MDGA2: variants seen among roughly 807,000 people sequenced by gnomAD.
MDGA2 encodes MAM domain containing glycosylphosphatidylinositol anchor 2, also known as MAM domain-containing glycosylphosphatidylinositol anchor protein 2.
In MDGA2, 40 loss-of-function variants were observed where a neutral mutation model predicts 117.8. That is an observed-to-expected ratio of 0.34 (90% CI 0.26 to 0.44). The LOEUF (loss-of-function observed/expected upper bound fraction) is 0.44. Ranked by LOEUF, MDGA2 falls within the 20% of genes least tolerant of loss-of-function variation. MDGA2 has a pLI of 1.00. For synonymous variants in MDGA2, 452 were observed against 439.0 expected, an observed-to-expected ratio of 1.03 and a Z score of -0.37; for missense variants, 1,123 against 1,250.6, an observed-to-expected ratio of 0.90 and a Z score of 1.54.
intron 2 of MDGA2, among the ~76,000 whole-genome samples, chr14:47,235,423 A>C (rs1049140969): frequency 3.3e-5 from 5 of 152,242 alleles, no homozygotes; most frequent in Admixed American, 6.5e-5. Context: ...AATGTGAACA[A>C]CTAATGGCAA....
intron 2 of MDGA2, among the ~76,000 whole-genome samples, chr14:47,251,317 A>C (rs2139642294): frequency 6.6e-6 from 1 of 152,288 alleles, no homozygotes; most frequent in Admixed American, 6.5e-5. Flanking sequence ...CATCATTCAG[A>C]TCTCAGCAAG....
intron 1 of MDGA2, among the ~76,000 whole-genome samples, chr14:47,395,437 G>T (rs189050981): frequency 6.6e-6 from 1 of 151,972 alleles, no homozygotes; most frequent in East Asian, 1.9e-4. Flanking sequence ...ACAATATTTC[G>T]TCTTTAATAT....
intron 7 of MDGA2, among the ~76,000 whole-genome samples, chr14:47,035,531 G>T (rs1888815797): frequency 6.6e-6 from 1 of 152,100 alleles, no homozygotes; most frequent in Non-Finnish European, 1.5e-5. Context: ...AAATAAATAA[G>T]GCATTCAATT....
intron 3 of MDGA2, among the ~76,000 whole-genome samples, chr14:47,182,681 C>G (rs528935204): frequency 6.6e-6 from 1 of 152,276 alleles, no homozygotes; most frequent in Non-Finnish European, 1.5e-5. Context: ...ACCAAAGATG[C>G]ATACTTTAAG....
intron 8 of MDGA2, among the ~76,000 whole-genome samples, chr14:46,971,477 TTC>T (rs1257363019): frequency 6.6e-6 from 1 of 152,106 alleles, no homozygotes. Flanking sequence ...ATACCACATA[TTC>T]TCTTTCATAT....
At chr14:47,086,091 A>G (rs1890885699) in intron 6 of MDGA2, among the ~76,000 whole-genome samples, 1 of 49,878 alleles carries the variant, frequency 2.0e-5, no homozygotes. Context: ...TTCAATGTGT[A>G]AGGTTTTTTT....
chr14:47,334,304 A>C (rs1297474748), intron 1 of MDGA2, among the ~76,000 whole-genome samples: 1 of 151,920 alleles, frequency 6.6e-6, no homozygotes, highest in African/African-American at 2.4e-5. Flanking sequence ...ATTCATTATT[A>C]AAAATCCTTT....
At chr14:47,002,457 G>T (rs1354596438) in intron 8 of MDGA2, among the ~76,000 whole-genome samples, 1 of 152,124 alleles carries the variant, frequency 6.6e-6, no homozygotes, top group African/African-American at 2.4e-5. Flanking sequence ...GCCAGGCACA[G>T]TGGCTCACGC....
chr14:47,331,291 A>C (rs966159304), intron 1 of MDGA2, among the ~76,000 whole-genome samples: 103 of 152,012 alleles, frequency 6.8e-4, no homozygotes, highest in African/African-American at 2.3e-3. Context: ...TAATTCTTCA[A>C]TCAAATGCTG....
chr14:46,975,219 A>G (rs1304239483), intron 8 of MDGA2, among the ~76,000 whole-genome samples: 1 of 152,152 alleles, frequency 6.6e-6, no homozygotes, highest in African/African-American at 2.4e-5. Flanking sequence ...GAATGTAGAG[A>G]AATTAGAACC....
At chr14:47,245,461 C>T (rs1887206863) in intron 2 of MDGA2, among the ~76,000 whole-genome samples, 1 of 151,746 alleles carries the variant, frequency 6.6e-6, no homozygotes, top group African/African-American at 2.4e-5. Flanking sequence ...GGGTTTTCGA[C>T]TGTGTAGGGT....
chr14:46,912,932 C>T (rs1240431440), intron 10 of MDGA2, among the ~76,000 whole-genome samples: 1 of 152,122 alleles, frequency 6.6e-6, no homozygotes, highest in East Asian at 1.9e-4. Flanking sequence ...TCACTTTTTA[C>T]AACTGACATA....
intron 6 of MDGA2, among the ~76,000 whole-genome samples, chr14:47,084,721 A>G (rs569966827): frequency 6.6e-5 from 10 of 152,272 alleles, no homozygotes; most frequent in African/African-American, 2.4e-4. Context: ...TTACACCCAT[A>G]TAAGAGTTAC....
At chr14:47,005,713 TAC>T (rs1386380242) in intron 8 of MDGA2, among the ~76,000 whole-genome samples, 7 of 151,600 alleles carry the variant, frequency 4.6e-5, no homozygotes, top group Admixed American at 1.3e-4. Flanking sequence ...TAAAATTTTA[TAC>T]AGTTATTTTT....
In MDGA2 at chr14:46,842,028, A is replaced by G. The variant is rs780388238; in HGVS notation, c.2990-9T>C. The G allele has an allele frequency of 4.4e-6, 7 of 1,596,654 alleles. No homozygotes were observed. In the South Asian group the frequency reaches 7.8e-5, roughly 18 times the overall value. ...AGCACCATCAACGGAATCTAAAGAT[A>G]AGGAAAATAAATGCAAACAAAAAAA... On this transcript the variant is annotated splice_polypyrimidine_tract_variant and intron_variant, in intron 16 of 16. Coordinates refer to ENST00000399232, the MANE Select transcript of MDGA2 (RefSeq NM_001113498.3).
At chr14:47,585,608 C>G (rs528444485) in intron 1 of MDGA2, among the ~76,000 whole-genome samples, 5 of 151,702 alleles carry the variant, frequency 3.3e-5, no homozygotes, top group African/African-American at 1.2e-4. Flanking sequence ...TGTAAGCCAA[C>G]AGAAGCCAAA....
chr14:46,942,553 G>A (rs191222139), intron 9 of MDGA2, among the ~76,000 whole-genome samples: 2 of 151,972 alleles, frequency 1.3e-5, no homozygotes, highest in Admixed American at 1.3e-4. Flanking sequence ...CTGCCCCTTC[G>A]TAATTAGTCA....
intron 1 of MDGA2, among the ~76,000 whole-genome samples, chr14:47,466,284 CG>C (rs1471540289): frequency 6.6e-6 from 1 of 151,324 alleles, no homozygotes; most frequent in African/African-American, 2.4e-5. Context: ...AGTCTATCTA[CG>C]TAACAAAGAT....
chr14:47,012,527 A>T (rs1429980060), intron 8 of MDGA2, among the ~76,000 whole-genome samples: 2 of 152,220 alleles, frequency 1.3e-5, no homozygotes, highest in Non-Finnish European at 2.9e-5. Flanking sequence ...AGAAGGCTTA[A>T]ATAAACACAA....
Sources: gnomAD v4.1 joint callset for allele counts (sites outside exome capture counted in the v4.1 genomes callset) on GRCh38, gnomAD v4.1.1 for gene constraint, MANE v1.5 for transcripts, NCBI Gene and HGNC (gene_info 2026-07-23, HGNC 2026-07-21) for gene names.